The following TBCD variants were observed in gnomAD, a reference collection of about 807,000 sequenced individuals.
The protein encoded by TBCD is tubulin folding cofactor D, also known as tubulin-specific chaperone D.
A neutral mutation model predicts 169.3 loss-of-function variants in TBCD; 105 were observed. The observed-to-expected ratio is 0.62, with a 90% CI of 0.53 to 0.73. The LOEUF (loss-of-function observed/expected upper bound fraction) is 0.73, where lower values mean the gene tolerates loss of function less well. Ranked by LOEUF, TBCD falls within the 30% of genes least tolerant of loss-of-function variation. The pLI, the probability that TBCD is intolerant of heterozygous loss-of-function variation, is 0.00. For synonymous variants in TBCD, 700 were observed against 643.9 expected, an observed-to-expected ratio of 1.09 and a Z score of -1.32; for missense variants, 1,444 against 1,600.1, an observed-to-expected ratio of 0.90 and a Z score of 1.66.
chr17:82,918,023 A>C (rs2061173835), intron 23 of TBCD, among the ~76,000 whole-genome samples: 1 of 152,214 alleles, frequency 6.6e-6, no homozygotes, highest in Non-Finnish European at 1.5e-5. Context: ...TAGTTTTTAA[A>C]AAATATTCTT....
At chr17:82,799,906 C>T (rs1057384613) in intron 8 of TBCD, among the ~76,000 whole-genome samples, 17 of 152,200 alleles carry the variant, frequency 1.1e-4, no homozygotes, top group African/African-American at 2.4e-5. Context: ...ATGAGTTAAA[C>T]GGCACCTCTG....
chr17:82,941,391 C>T lies in TBCD; in HGVS notation c.3480-8C>T. On this transcript the variant is annotated splice_region_variant and splice_polypyrimidine_tract_variant and intron_variant, in intron 37 of 38. Coordinates refer to ENST00000355528, the MANE Select transcript of TBCD (RefSeq NM_005993.5). ...TCGAGAGACTCACGGCTCTCCCTCT[C>T]CTCACAGGGACGCGGAGCTTGCAGT... is the stretch of plus-strand genomic sequence containing the variant. 6.3e-7 allele frequency: 1 copy of T among 1,583,412 alleles called. No individual in the cohort carries two copies. The highest frequency in any genetic ancestry group is 8.5e-7 in the Non-Finnish European group (1 of 1,170,108).
At chr17:82,815,717 G>A (rs1313928769) in intron 13 of TBCD, among the ~76,000 whole-genome samples, 2 of 152,194 alleles carry the variant, frequency 1.3e-5, no homozygotes, top group Non-Finnish European at 2.9e-5. Flanking sequence ...ACTTGATTCT[G>A]TCCAAAATAA....
rs59839519 is a variant in TBCD at position 82,753,447 on chromosome 17, CTTTTTTT to C, written c.184+1086_184+1092del. Among the ~76,000 whole-genome samples the C allele has an allele frequency of 1.2e-3, 126 of 104,290 alleles. 3 individuals carry two copies. The highest frequency in any genetic ancestry group is 6.0e-3 in the Middle Eastern group (1 of 168). 68.4% of individuals were successfully genotyped at this position (104,290 alleles called of 152,430 possible). On this transcript the variant is annotated intron_variant, in intron 1 of 38. Coordinates refer to ENST00000355528, the MANE Select transcript of TBCD (RefSeq NM_005993.5). ...GGTGTAACAGCCCAATGGCTTCTTC[CTTTTTTT>C]TTTTTTTTTTTTTTTGATACGAAGT...
At chr17:82,778,337 A>C (rs2048730539) in intron 6 of TBCD, among the ~76,000 whole-genome samples, 1 of 152,202 alleles carries the variant, frequency 6.6e-6, no homozygotes, top group Admixed American at 6.5e-5. Flanking sequence ...TGCGTTTTAA[A>C]GGGAACACGG....
At chr17:82,754,186 C>T (rs2047281699) in intron 1 of TBCD, among the ~76,000 whole-genome samples, 1 of 152,088 alleles carries the variant, frequency 6.6e-6, no homozygotes, top group South Asian at 2.1e-4. Context: ...AGATCAGTCT[C>T]CCTGAGAATT....
chr17:82,904,957 C>G (rs180861858), intron 19 of TBCD, among the ~76,000 whole-genome samples: 5 of 152,210 alleles, frequency 3.3e-5, no homozygotes, highest in Non-Finnish European at 5.9e-5. Context: ...CTCGAAAATC[C>G]GATCACCCCC....
chr17:82,807,707 G>C, intron 11 of TBCD, 39 bp downstream of exon 11: 1 of 1,412,488 alleles, frequency 7.1e-7, no homozygotes, highest in Non-Finnish European at 9.3e-7. Context: ...CGGGGGGTGG[G>C]CCGGCCTCTC....
At chr17:82,894,837 C>T (rs1304659401) in intron 17 of TBCD, among the ~76,000 whole-genome samples, 3 of 152,094 alleles carry the variant, frequency 2.0e-5, no homozygotes, top group Admixed American at 6.5e-5. Flanking sequence ...ATTAGCCAGG[C>T]GTGGTGGCGG....
rs767204352 is a variant in TBCD, at chr17:82,833,349, T to A, written c.1318+18415T>A. ...ATCCCTAAGCACTCGTGGCAGTTTC[T>A]GCCCACTTTAGCCACGTCGTTGGTG... is the stretch of plus-strand genomic sequence containing the variant. On this transcript the variant is annotated intron_variant, in intron 13 of 38. Coordinates refer to ENST00000355528, the MANE Select transcript of TBCD (RefSeq NM_005993.5). This position sits in a 1 kb window ranked among gnomAD's most constrained non-coding sequence, Gnocchi z 4.7. 1.3e-5 allele frequency among the ~76,000 whole-genome samples: 2 copies of A among 152,216 alleles called. No individual in the cohort carries two copies. Among genetic ancestry groups the A allele is most frequent in the Admixed American group, 6.5e-5 (1 of 15,278 alleles).
chr17:82,759,884 G>GTTTT (rs200933847), intron 2 of TBCD, among the ~76,000 whole-genome samples: 9 of 121,142 alleles, frequency 7.4e-5, no homozygotes, highest in African/African-American at 2.7e-4. Context: ...CATTTCGTTT[G>GTTTT]TTTGTTTTTT....
intron 35 of TBCD, chr17:82,937,830 T>G: frequency 6.8e-7 from 1 of 1,474,968 alleles, no homozygotes; most frequent in South Asian, 1.3e-5. Flanking sequence ...CTGTGAGGCG[T>G]CCTCACTTCC....
In TBCD at chr17:82,831,246, G is replaced by T. The variant is rs1051100039; in HGVS notation, c.1318+16312G>T. 7 of 1,613,778 alleles carry T rather than the reference G, an allele frequency of 4.3e-6. No homozygotes were observed. The highest frequency in any genetic ancestry group is 5.9e-6 in the Non-Finnish European group (7 of 1,180,044). On this transcript the variant is annotated intron_variant, in intron 13 of 38. Coordinates refer to ENST00000355528, the MANE Select transcript of TBCD (RefSeq NM_005993.5). The surrounding 1 kb of genome is among the most constrained non-coding windows in gnomAD (Gnocchi z 4.6). ...GGGAGCCCGTGGCTGCACTCCCTGC[G>T]CGGGGGCTCATTTTGGACCCTTCCG... is the stretch of plus-strand genomic sequence containing the variant.
intron 2 of TBCD, among the ~76,000 whole-genome samples, chr17:82,763,441 T>C (rs1004085027): frequency 1.3e-5 from 2 of 152,192 alleles, no homozygotes; most frequent in African/African-American, 2.4e-5. Context: ...TTTTGTTTTT[T>C]AAGAGACAGG....
rs573816264 is a variant in TBCD, at chr17:82,793,276, G to T, written c.772-4481G>T. On this transcript the variant is annotated intron_variant, in intron 7 of 38. Transcript: ENST00000355528. ...AGGGGAGTGCATTTTGCTCGCTCCT[G>T]GGGGAGGCAGTGGTCTGGCCTGTCC... Among the ~76,000 whole-genome samples, 16 of 152,228 alleles carry T rather than the reference G, an allele frequency of 1.1e-4. No homozygotes were observed. The South Asian group carries it at 3.3e-3, about 32-fold the overall frequency.
At position 82,753,447 on chromosome 17, in the gene TBCD, C is replaced by CTTTTTTTT. The variant is rs59839519; in HGVS notation, c.184+1085_184+1092dup. The stretch of plus-strand genomic sequence containing the variant: ...GGTGTAACAGCCCAATGGCTTCTTC[C>CTTTTTTTT]TTTTTTTTTTTTTTTTTTTTTTGAT... On this transcript the variant is annotated intron_variant, in intron 1 of 38. Transcript: ENST00000355528. Among the ~76,000 whole-genome samples, 42 of 104,276 alleles carry CTTTTTTTT rather than the reference C, an allele frequency of 4.0e-4. 2 individuals are homozygous for CTTTTTTTT. The highest frequency in any genetic ancestry group is 4.9e-4 in the Non-Finnish European group (27 of 54,602). The allele number at this position is 104,276 out of a possible 152,430, so 68.4% of individuals were successfully genotyped here.
chr17:82,937,084 A>T, intron 34 of TBCD, 187 bp from the exon 35 acceptor site: 1 of 589,452 alleles, frequency 1.7e-6, no homozygotes, highest in South Asian at 2.1e-5. Flanking sequence ...GCCGCTAGGG[A>T]CCAGGCCGGC....
At chr17:82,859,841 G>T in intron 13 of TBCD, 1 of 985,464 alleles carries the variant, frequency 1.0e-6, no homozygotes, top group Non-Finnish European at 1.2e-6. Context: ...TGGGCGGTGA[G>T]TTGGGAACAG....
intron 27 of TBCD, among the ~76,000 whole-genome samples, chr17:82,925,764 T>C (rs1019619180): frequency 6.6e-6 from 1 of 152,126 alleles, no homozygotes; most frequent in Admixed American, 6.5e-5. Context: ...TGAAACAGGA[T>C]CACTTGGAGA....
Sources: allele counts gnomAD v4.1 joint callset (sites outside exome capture counted in the v4.1 genomes callset), GRCh38; gene constraint gnomAD v4.1.1; non-coding constraint Gnocchi (gnomAD v3.1); transcripts MANE v1.5; gene names NCBI Gene and HGNC (gene_info 2026-07-23, HGNC 2026-07-21).